Variants in SETD3 observed in about 807,000 individuals in gnomAD.
SETD3 encodes actin-histidine N-methyltransferase.
SETD3 carries 19 observed loss-of-function variants against 63.0 expected under a neutral mutation model. The observed-to-expected ratio is 0.30, with a 90% confidence interval of 0.21 to 0.44. The LOEUF (loss-of-function observed/expected upper bound fraction) is 0.44. Ranked by LOEUF, SETD3 falls within the 20% of genes least tolerant of loss-of-function variation. The pLI is 1.00. For synonymous variants in SETD3, 286 were observed against 264.1 expected, an observed-to-expected ratio of 1.08 and a Z score of -0.80; for missense variants, 587 against 728.5, an observed-to-expected ratio of 0.81 and a Z score of 2.24.
At chr14:99,440,548 A>C (rs1170235892) in intron 6 of SETD3, among the ~76,000 whole-genome samples, 2 of 152,122 alleles carry the variant, frequency 1.3e-5, no homozygotes, top group Non-Finnish European at 2.9e-5. Context: ...CAGCTCAGAG[A>C]GCGAATCTAA....
intron 3 of SETD3, among the ~76,000 whole-genome samples, chr14:99,463,001 T>C (rs1034362126): frequency 6.6e-6 from 1 of 152,220 alleles, no homozygotes; most frequent in African/African-American, 2.4e-5. Flanking sequence ...CCAGCCTGGA[T>C]GAGAATCATT....
At chr14:99,404,488 C>A (rs1320708543) in intron 10 of SETD3, among the ~76,000 whole-genome samples, 178 bp from the exon 11 acceptor site, 1 of 152,212 alleles carries the variant, frequency 6.6e-6, no homozygotes, top group Non-Finnish European at 1.5e-5. Flanking sequence ...CAAAAGGCCG[C>A]AGGCTGGGGC....
Position 99,458,515 on chromosome 14 carries a change from G to C in SETD3, c.439C>G (p.Arg147Gly), listed in dbSNP as rs1361471077. The C allele has an allele frequency of 1.2e-6, 2 of 1,614,036 alleles. No individual in the cohort carries two copies. The highest frequency in any genetic ancestry group is 2.2e-5 in the South Asian group (2 of 91,078). ...ATGTTTCCCATGGCTTGAAGGATTC[G>C]GTCTTGAGAATATAAGGGCCCTGAA... is the stretch of plus-strand genomic sequence containing the variant. Reference protein sequence around the residue: ...SVLGPLYSQDRILQAMGNIAL... With the variant: ...SVLGPLYSQDGILQAMGNIAL... The change falls in exon 6 of 13, where the codon CGA (arginine) becomes GGA (glycine). Residue 147 changes from arginine to glycine, a missense_variant. Coordinates refer to ENST00000331768, the MANE Select transcript of SETD3 (RefSeq NM_032233.3).
At chr14:99,481,599 C>T (rs957627648), upstream of SETD3, 3 of 394,938 alleles carry the variant, frequency 7.6e-6, no homozygotes, top group Non-Finnish European at 1.3e-5. Flanking sequence ...ATTCTGCCTC[C>T]CTCCGCTAAC....
intron 6 of SETD3, among the ~76,000 whole-genome samples, chr14:99,415,146 C>T (rs905149907): frequency 3.3e-5 from 5 of 152,206 alleles, no homozygotes; most frequent in African/African-American, 1.2e-4. Flanking sequence ...AATGAAACTT[C>T]GCATTACCCG....
intron 1 of SETD3, among the ~76,000 whole-genome samples, chr14:99,467,116 A>C (rs1302718473): frequency 6.6e-6 from 1 of 152,224 alleles, no homozygotes; most frequent in East Asian, 1.9e-4. Context: ...ACATCACATT[A>C]TTTAACAGGC....
upstream of SETD3, among the ~76,000 whole-genome samples, chr14:99,484,823 C>T (rs566151343): frequency 2.6e-5 from 4 of 152,330 alleles, no homozygotes; most frequent in African/African-American, 9.6e-5. Flanking sequence ...GTGACATTTA[C>T]TATTGTTTCC....
At chr14:99,466,918 C>T (rs1205523947) in intron 1 of SETD3, among the ~76,000 whole-genome samples, 1 of 152,240 alleles carries the variant, frequency 6.6e-6, no homozygotes. Flanking sequence ...GTCAGTTACA[C>T]TTTATCTCAA....
intron 1 of SETD3, among the ~76,000 whole-genome samples, chr14:99,467,964 C>G (rs1895487109): frequency 6.6e-6 from 1 of 152,130 alleles, no homozygotes; most frequent in Non-Finnish European, 1.5e-5. Flanking sequence ...CTGCCAGGTG[C>G]TGGACTAAGA....
At chr14:99,416,369 A>G (rs1368229910) in intron 6 of SETD3, among the ~76,000 whole-genome samples, 5 of 152,254 alleles carry the variant, frequency 3.3e-5, no homozygotes, top group African/African-American at 1.2e-4. Context: ...TATACAAAAG[A>G]TAACTGAGCG....
chr14:99,462,690 C>G (rs1895137781), intron 3 of SETD3, among the ~76,000 whole-genome samples: 1 of 152,112 alleles, frequency 6.6e-6, no homozygotes, highest in African/African-American at 2.4e-5. Flanking sequence ...TTGAAAACAC[C>G]CATTATGAAC....
intron 11 of SETD3, among the ~76,000 whole-genome samples, chr14:99,401,754 C>G (rs938312008): frequency 9.9e-5 from 15 of 152,010 alleles, no homozygotes; most frequent in Non-Finnish European, 2.2e-4. Flanking sequence ...GCTGAAAGTT[C>G]TTTTCAAAGG....
At chr14:99,448,642 TGACC>T (rs1238451057) in intron 6 of SETD3, among the ~76,000 whole-genome samples, 1 of 152,202 alleles carries the variant, frequency 6.6e-6, no homozygotes, top group African/African-American at 2.4e-5. Flanking sequence ...CCTATGAAAC[TGACC>T]GCCTTGTACC....
At chr14:99,444,739 G>T (rs930311611) in intron 6 of SETD3, among the ~76,000 whole-genome samples, 2 of 151,904 alleles carry the variant, frequency 1.3e-5, no homozygotes, top group Admixed American at 6.6e-5. Flanking sequence ...GCACGCTGAC[G>T]TGGGAAGATG....
chr14:99,402,802 G>C (rs1172814425), intron 11 of SETD3, among the ~76,000 whole-genome samples: 1 of 152,180 alleles, frequency 6.6e-6, no homozygotes, highest in East Asian at 1.9e-4. Context: ...TCCCAATCAA[G>C]GCTGATGGGA....
intron 2 of SETD3, among the ~76,000 whole-genome samples, chr14:99,464,136 G>A (rs1895234247): frequency 6.6e-6 from 1 of 152,174 alleles, no homozygotes; most frequent in South Asian, 2.1e-4. Context: ...AAAATGAGAT[G>A]GCATAGTCAC....
chr14:99,486,189 C>T, the SETD3 span, among the ~76,000 whole-genome samples: 11 of 152,208 alleles, frequency 7.2e-5, no homozygotes, highest in African/African-American at 2.7e-4. Context: ...ACTACCATCT[C>T]TGGTTTAAAG....
chr14:99,463,534 A>G lies in SETD3; in HGVS notation c.148T>C (p.Tyr50His). 3 of 1,613,836 alleles carry G rather than the reference A, an allele frequency of 1.9e-6. No homozygotes were observed. The highest frequency in any genetic ancestry group is 2.5e-6 in the Non-Finnish European group (3 of 1,179,980). The change falls in exon 3 of 13, where the codon TAT (tyrosine) becomes CAT (histidine). Residue 50 changes from tyrosine (Y) to histidine (H), a missense_variant. Tyr to His is a moderately conservative substitution (Grantham distance 83, BLOSUM62 2). Coordinates refer to ENST00000331768, the MANE Select transcript of SETD3 (RefSeq NM_032233.3). Reference protein sequence around the residue: ...APGPGKEWEEYVQIRTLVEKI... With the variant: ...APGPGKEWEEHVQIRTLVEKI... ...TCAACCAGAGTCCGGATCTGCACAT[A>G]CTCTTCCCACTCTTTTCCTGGGCCA...
In SETD3 at chr14:99,440,740, A is replaced by G. The variant is rs1893758481; in HGVS notation, c.675+17539T>C. 2.0e-5 allele frequency among the ~76,000 whole-genome samples: 3 copies of G among 152,082 alleles called. No individual in the cohort carries two copies. The South Asian group carries it at 6.2e-4, about 32-fold the overall frequency. ...CCTTGTAGGGAACACTGGGTGAAAA[A>G]AAAAAAAGAACAAAAGGGGCTTGAC... On this transcript the variant is annotated intron_variant, in intron 6 of 12. Coordinates refer to ENST00000331768, the MANE Select transcript of SETD3 (RefSeq NM_032233.3).
Sources: gnomAD v4.1 joint callset for allele counts (sites outside exome capture counted in the v4.1 genomes callset) on GRCh38, gnomAD v4.1.1 for gene constraint, MANE v1.5 for transcripts, NCBI Gene and HGNC (gene_info 2026-07-23, HGNC 2026-07-21) for gene names.